Variants in KDM6A observed in about 807,000 individuals in gnomAD.
The protein encoded by KDM6A is lysine demethylase 6A.
KDM6A carries 11 observed loss-of-function variants against 117.6 expected under a neutral mutation model. The observed-to-expected ratio is 0.09, with a 90% confidence interval of 0.06 to 0.15. The LOEUF is 0.15. Among genes scored for constraint, KDM6A ranks in the 10% least tolerant of loss-of-function variants. The pLI, the probability that KDM6A is intolerant of heterozygous loss-of-function variation, is 1.00. For missense variants in KDM6A, 799 were observed against 1,077.3 expected (o/e 0.74, Z 3.62); for synonymous variants, 384 against 396.1 (o/e 0.97, Z 0.36).
intron 2 of KDM6A, among the ~76,000 whole-genome samples, chrX:44,917,307 G>A (rs1388561732): frequency 9.0e-6 from 1 of 111,259 alleles, no homozygotes; most frequent in Non-Finnish European, 1.9e-5. Flanking sequence ...GATTACAAGG[G>A]TGAGCCACGG....
intron 5 of KDM6A, among the ~76,000 whole-genome samples, chrX:45,011,723 T>C (rs1023262243): frequency 7.7e-4 from 86 of 111,982 alleles, no homozygotes; most frequent in Non-Finnish European, 2.8e-4. Flanking sequence ...TGATCTTGAA[T>C]TAAATAACTT....
intron 24 of KDM6A, among the ~76,000 whole-genome samples, chrX:45,084,192 G>T (rs1057207436): frequency 2.7e-5 from 3 of 111,616 alleles, no homozygotes; most frequent in Non-Finnish European, 5.6e-5. Flanking sequence ...GTCACTTTTG[G>T]CAAGTTACAT....
At chrX:45,041,507 C>T (rs1463823484) in intron 8 of KDM6A, among the ~76,000 whole-genome samples, 4 of 103,932 alleles carry the variant, frequency 3.8e-5, no homozygotes, top group East Asian at 3.1e-4. Flanking sequence ...GGGTGGCTGC[C>T]GGACGGAGGG....
At chrX:45,055,021 C>T (rs180788845) in intron 10 of KDM6A, among the ~76,000 whole-genome samples, 1 of 111,493 alleles carries the variant, frequency 9.0e-6, no homozygotes, top group Admixed American at 9.5e-5. Context: ...TGGCTGGCTC[C>T]AAATGTCAAT....
At chrX:45,063,322 A>G in intron 16 of KDM6A, 100 bp from the exon 17 acceptor site, 1 of 790,734 alleles carries the variant, frequency 1.3e-6, no homozygotes, top group Non-Finnish European at 1.9e-6. Flanking sequence ...CTAATTATAC[A>G]TCTTCATATT....
chrX:45,050,479 A>G (rs1407928644), intron 8 of KDM6A, among the ~76,000 whole-genome samples: 1 of 112,236 alleles, frequency 8.9e-6, no homozygotes, highest in Non-Finnish European at 1.9e-5. Context: ...AAGATTGGAT[A>G]TTAGCTCTTG....
chrX:44,933,908 T>C (rs2036822158), intron 2 of KDM6A, among the ~76,000 whole-genome samples: 1 of 112,519 alleles, frequency 8.9e-6, no homozygotes, highest in African/African-American at 3.2e-5. Flanking sequence ...ATAATGTCGA[T>C]ATTTTAAAAT....
chrX:45,027,368 C>CA (rs1569523974), intron 6 of KDM6A, among the ~76,000 whole-genome samples: 1 of 110,402 alleles, frequency 9.1e-6, no homozygotes, highest in African/African-American at 3.3e-5. Context: ...CACACACACA[C>CA]CCGCCCGTCT....
intron 2 of KDM6A, among the ~76,000 whole-genome samples, chrX:44,919,453 G>T (rs979736124): frequency 2.6e-4 from 29 of 110,617 alleles, no homozygotes; most frequent in African/African-American, 8.2e-4. Flanking sequence ...GATCACAGAA[G>T]TCAGGTAACA....
chrX:44,930,216 G>T (rs1174832322), intron 2 of KDM6A, among the ~76,000 whole-genome samples: 1 of 110,938 alleles, frequency 9.0e-6, no homozygotes, highest in Non-Finnish European at 1.9e-5. Flanking sequence ...TGCTTGATCA[G>T]ATAGATGCTT....
intron 3 of KDM6A, among the ~76,000 whole-genome samples, chrX:44,973,770 T>C (rs1253685640): frequency 9.0e-6 from 1 of 111,320 alleles, no homozygotes; most frequent in Admixed American, 9.6e-5. Flanking sequence ...TCCTTTTTGT[T>C]TATTTTTTGA....
At chrX:45,102,720 A>G (rs1409178355) in intron 27 of KDM6A, among the ~76,000 whole-genome samples, 1 of 111,850 alleles carries the variant, frequency 8.9e-6, no homozygotes. Flanking sequence ...CTGCATTCTC[A>G]TGGTTAATAT....
chrX:45,067,136 A>G (rs1191594285), intron 17 of KDM6A, among the ~76,000 whole-genome samples: 8 of 112,415 alleles, frequency 7.1e-5, no homozygotes, highest in Middle Eastern at 4.6e-3. Flanking sequence ...TGAAAACTAG[A>G]CAACTGGTAG....
chrX:45,004,012 G>A (rs184578984), intron 4 of KDM6A, among the ~76,000 whole-genome samples: 2 of 107,586 alleles, frequency 1.9e-5, no homozygotes, highest in South Asian at 4.2e-4. Context: ...CTTTTACCCC[G>A]GAGAGGGACT....
intron 5 of KDM6A, among the ~76,000 whole-genome samples, chrX:45,018,111 A>G (rs1264098919): frequency 3.6e-5 from 4 of 111,518 alleles, no homozygotes; most frequent in Non-Finnish European, 7.5e-5. Flanking sequence ...TAAGTGCAAC[A>G]TGGAGATTTT....
intron 2 of KDM6A, among the ~76,000 whole-genome samples, chrX:44,948,034 C>T (rs753086878): frequency 4.5e-5 from 5 of 111,639 alleles, no homozygotes; most frequent in Non-Finnish European, 9.4e-5. Flanking sequence ...AGCTTAAGAA[C>T]TTAAGAACTT....
At chrX:44,897,157 GTC>G (rs1257176284) in intron 2 of KDM6A, among the ~76,000 whole-genome samples, 1 of 77,625 alleles carries the variant, frequency 1.3e-5, no homozygotes, top group Non-Finnish European at 2.5e-5. Flanking sequence ...TTTTTTTTTA[GTC>G]TGTTTTCTCT....
rs768438092 is a variant in KDM6A at position 44,971,083 on chromosome X, G to C, written c.335-3583G>C. On this transcript the variant is annotated intron_variant, in intron 3 of 29. Coordinates refer to ENST00000611820, the MANE Select transcript of KDM6A (RefSeq NM_001291415.2). Reference sequence around the variant, plus strand: ...GGGGATTGAGAGTGTGGTTAGAAATGAATGTGAGAAAATCAGCCACACCAT... The same window carrying C: ...GGGGATTGAGAGTGTGGTTAGAAATCAATGTGAGAAAATCAGCCACACCAT... 2.7e-5 allele frequency among the ~76,000 whole-genome samples: 3 copies of C among 111,501 alleles called. No homozygotes were observed. In the South Asian group the frequency reaches 1.2e-3, roughly 43 times the overall value.
Position 44,873,928 on chromosome X carries a change from C to T in KDM6A, c.166C>T (p.Leu56Phe), listed in dbSNP as rs2031152241. The part of the protein sequence containing the change: ...REALGGLDSR[L>F]FGFVRFHEDG... The stretch of plus-strand genomic sequence containing the variant: ...AAACTGTGTCTGTCTCCACAGCCGC[C>T]TCTTTGGGTTCGTGAGATTTCATGA... Residue 56 changes from leucine to phenylalanine, a missense_variant, in exon 2 of 30, where the codon CTC becomes TTC. Leu to Phe is a conservative substitution (Grantham distance 22). Coordinates refer to ENST00000611820, the MANE Select transcript of KDM6A (RefSeq NM_001291415.2). The T allele has an allele frequency of 1.1e-5, 13 of 1,211,076 alleles. No individual in the cohort carries two copies. The highest frequency in any genetic ancestry group is 1.7e-5 in the African/African-American group (1 of 57,902).
Sources: allele counts gnomAD v4.1 joint callset (sites outside exome capture counted in the v4.1 genomes callset), GRCh38; gene constraint gnomAD v4.1.1; transcripts MANE v1.5; gene names NCBI Gene and HGNC (gene_info 2026-07-23, HGNC 2026-07-21).